CAMKMT: variants seen among roughly 807,000 people sequenced by gnomAD.
The protein encoded by CAMKMT is calmodulin-lysine N-methyltransferase, also known as CaM KMT.
CAMKMT carries 53 observed loss-of-function variants against 48.0 expected under a neutral mutation model. That is an observed-to-expected ratio of 1.10 (90% CI 0.89 to 1.39). CAMKMT has a LOEUF of 1.39. Among genes scored for constraint, CAMKMT ranks in the 40% most tolerant of loss-of-function variants. The pLI is 0.00. For missense variants in CAMKMT, 428 were observed against 402.7 expected (o/e 1.06, Z -0.54); for synonymous variants, 165 against 152.3 (o/e 1.08, Z -0.61).
At chr2:44,666,128 T>C (rs1241302715) in intron 3 of CAMKMT, among the ~76,000 whole-genome samples, 1 of 152,198 alleles carries the variant, frequency 6.6e-6, no homozygotes, top group African/African-American at 2.4e-5. Context: ...GGTTTGATCT[T>C]TGGAAAGAGG....
intron 3 of CAMKMT, among the ~76,000 whole-genome samples, chr2:44,594,437 C>T (rs148382497): frequency 0.014 from 2,193 of 152,304 alleles, 18 homozygotes; most frequent in South Asian, 0.033. Context: ...GTAACCAAAA[C>T]AGCATGGTAC....
intron 3 of CAMKMT, among the ~76,000 whole-genome samples, chr2:44,556,796 C>G (rs543139023): frequency 7.4e-5 from 11 of 148,612 alleles, no homozygotes; most frequent in Non-Finnish European, 1.2e-4. Context: ...AGGATTAATC[C>G]GCTAGGCACA....
At chr2:44,453,974 G>A (rs966868483) in intron 3 of CAMKMT, among the ~76,000 whole-genome samples, 3 of 152,034 alleles carry the variant, frequency 2.0e-5, no homozygotes, top group African/African-American at 7.2e-5. Flanking sequence ...CTTAATGGAA[G>A]TAAGAATTAG....
chr2:44,578,965 A>C (rs1669391864), intron 3 of CAMKMT, among the ~76,000 whole-genome samples: 1 of 152,248 alleles, frequency 6.6e-6, no homozygotes, highest in Non-Finnish European at 1.5e-5. Flanking sequence ...ATAATGTCTC[A>C]AAGTTTACGC....
intron 3 of CAMKMT, among the ~76,000 whole-genome samples, chr2:44,508,446 A>G (rs562912716): frequency 4.0e-4 from 61 of 152,240 alleles, no homozygotes; most frequent in African/African-American, 1.3e-3. Context: ...GTTCCCCACT[A>G]CAGTGTTTAA....
chr2:44,635,660 T>A (rs1441396904), intron 3 of CAMKMT, among the ~76,000 whole-genome samples: 1 of 152,178 alleles, frequency 6.6e-6, no homozygotes, highest in African/African-American at 2.4e-5. Flanking sequence ...ATGACTTTTA[T>A]TTTAGTTGTG....
intron 3 of CAMKMT, among the ~76,000 whole-genome samples, chr2:44,634,144 C>T (rs1173394288): frequency 6.6e-6 from 1 of 152,064 alleles, no homozygotes; most frequent in Non-Finnish European, 1.5e-5. Context: ...CACTGCAACA[C>T]ACAGCTTAGT....
intron 3 of CAMKMT, among the ~76,000 whole-genome samples, chr2:44,506,798 C>T (rs758743125): frequency 2.6e-5 from 4 of 152,054 alleles, no homozygotes; most frequent in African/African-American, 9.7e-5. Flanking sequence ...CTGTTTAAAC[C>T]GTTCTTGCTT....
chr2:44,373,951 C>G (rs1374878388), intron 2 of CAMKMT, among the ~76,000 whole-genome samples: 1 of 111,082 alleles, frequency 9.0e-6, no homozygotes, highest in African/African-American at 2.6e-5. Context: ...TGGCAAAACC[C>G]CACCTTTACA....
At chr2:44,568,013 C>A (rs749945447) in intron 3 of CAMKMT, among the ~76,000 whole-genome samples, 86 of 150,524 alleles carry the variant, frequency 5.7e-4, no homozygotes, top group Non-Finnish European at 7.5e-4. Flanking sequence ...TGATAAGGGT[C>A]GCTCTTAGAG....
At chr2:44,680,574 T>G (rs1186739741) in intron 3 of CAMKMT, among the ~76,000 whole-genome samples, 2 of 152,176 alleles carry the variant, frequency 1.3e-5, no homozygotes, top group Non-Finnish European at 2.9e-5. Context: ...AAAATTCACT[T>G]AGGCTGAGAG....
At chr2:44,571,854 C>T (rs1668923744) in intron 3 of CAMKMT, among the ~76,000 whole-genome samples, 1 of 152,048 alleles carries the variant, frequency 6.6e-6, no homozygotes, top group African/African-American at 2.4e-5. Context: ...AAACAAATAA[C>T]AGTTATTACT....
chr2:44,423,698 A>C (rs899150758), intron 3 of CAMKMT, among the ~76,000 whole-genome samples: 2 of 152,210 alleles, frequency 1.3e-5, no homozygotes, highest in Non-Finnish European at 2.9e-5. Context: ...TGCACTTAAC[A>C]CTACATTTGG....
intron 3 of CAMKMT, among the ~76,000 whole-genome samples, chr2:44,502,176 G>A (rs765090218): frequency 5.3e-5 from 8 of 151,818 alleles, no homozygotes; most frequent in Non-Finnish European, 2.9e-5. Context: ...AGCCAAGATC[G>A]CACCACTACA....
rs1675438481 is a variant in CAMKMT, at chr2:44,673,291, G to C, written c.377-30992G>C. Among the ~76,000 whole-genome samples, 2 of 151,948 alleles carry C rather than the reference G, an allele frequency of 1.3e-5. 1 individual carries two copies. Among genetic ancestry groups the C allele is most frequent in the South Asian group, 4.2e-4 (2 of 4,810 alleles). On this transcript the variant is annotated intron_variant, in intron 3 of 10. Coordinates refer to ENST00000378494, the MANE Select transcript of CAMKMT (RefSeq NM_024766.5). Reference sequence around the variant, plus strand: ...AATTTCAAAAAGTCAGCAGGGTATGGTGGCATGTACCTGTGGGTCCAGCTA... The same window carrying C: ...AATTTCAAAAAGTCAGCAGGGTATGCTGGCATGTACCTGTGGGTCCAGCTA...
chr2:44,715,212 A>AAT, intron 6 of CAMKMT, 75 bp from the exon 7 acceptor site: 5 of 897,456 alleles, frequency 5.6e-6, no homozygotes, highest in Non-Finnish European at 8.4e-6. Flanking sequence ...AAAAAAAAAA[A>AAT]GATAACTGTT....
chr2:44,384,099 G>C (rs1680533240), intron 2 of CAMKMT, among the ~76,000 whole-genome samples: 1 of 152,144 alleles, frequency 6.6e-6, no homozygotes. Flanking sequence ...CAGCAGTGTA[G>C]AGGTGTTCCC....
At chr2:44,462,858 A>G (rs183660359) in intron 3 of CAMKMT, among the ~76,000 whole-genome samples, 17 of 152,306 alleles carry the variant, frequency 1.1e-4, no homozygotes, top group Admixed American at 7.2e-4. Flanking sequence ...TTTGTTAAAG[A>G]AACTATTGTT....
At chr2:44,662,421 T>A (rs72867792) in intron 3 of CAMKMT, among the ~76,000 whole-genome samples, 3,078 of 152,334 alleles carry the variant, frequency 0.02, 80 homozygotes, top group African/African-American at 0.064. Context: ...CAGGAACTTG[T>A]ACTGTGTTTA....
Sources: allele counts gnomAD v4.1 joint callset (sites outside exome capture counted in the v4.1 genomes callset), GRCh38; gene constraint gnomAD v4.1.1; transcripts MANE v1.5; gene names NCBI Gene and HGNC (gene_info 2026-07-23, HGNC 2026-07-21).